HPGD: variants seen among roughly 807,000 people sequenced by gnomAD.
HPGD encodes the protein 15-hydroxyprostaglandin dehydrogenase [NAD(+)].
HPGD carries 29 observed loss-of-function variants against 30.0 expected under a neutral mutation model. The observed-to-expected ratio is 0.97, with a 90% CI of 0.72 to 1.32. The LOEUF (loss-of-function observed/expected upper bound fraction) is 1.32. Among genes scored for constraint, HPGD ranks in the 40% most tolerant of loss-of-function variants. The pLI is 0.00. For synonymous variants in HPGD, 99 were observed against 112.4 expected (o/e 0.88, Z 0.75); for missense variants, 340 against 322.1 (o/e 1.06, Z -0.43).
Position 174,490,947 on chromosome 4 carries a change from C to T in HPGD, c.*1009G>A, listed in dbSNP as rs1334885641. ...TAGCTGACAACAAAAAAAGCAAAACCTCACAGCTATTTTTATGTCTGTGTT... is the reference window on the plus strand; with the variant it reads ...TAGCTGACAACAAAAAAAGCAAAACTTCACAGCTATTTTTATGTCTGTGTT... On this transcript the variant is annotated 3_prime_UTR_variant, in exon 7 of 7. Transcript: ENST00000296522. The surrounding 1 kb of genome is among the most constrained non-coding windows in gnomAD (Gnocchi z 4.4). The T allele has an allele frequency of 6.6e-6, 1 of 152,180 alleles. No individual in the cohort carries two copies. The highest frequency in any genetic ancestry group is 1.5e-5 in the Non-Finnish European group (1 of 67,992). The allele number at this position is 152,180 out of a possible 1,614,324, so 9.4% of individuals were successfully genotyped here.
chr4:174,510,860 C>T (rs1253251142), intron 3 of HPGD, among the ~76,000 whole-genome samples: 4 of 152,108 alleles, frequency 2.6e-5, no homozygotes, highest in South Asian at 2.1e-4. Flanking sequence ...AGGCTGGTCT[C>T]GAACTCCTGA....
At chr4:174,511,289 G>A (rs1735477771) in intron 3 of HPGD, among the ~76,000 whole-genome samples, 1 of 151,366 alleles carries the variant, frequency 6.6e-6, no homozygotes, top group Non-Finnish European at 1.5e-5. Flanking sequence ...ACCCACTTAT[G>A]CCTAGTGTTC....
chr4:174,519,788 T>C (rs573633926), intron 2 of HPGD, among the ~76,000 whole-genome samples: 8 of 152,246 alleles, frequency 5.3e-5, no homozygotes, highest in African/African-American at 1.7e-4. Context: ...CTGACTCTCT[T>C]TTCCGACTCA....
intron 2 of HPGD, among the ~76,000 whole-genome samples, chr4:174,521,369 C>T (rs1435869229): frequency 6.6e-6 from 1 of 152,114 alleles, no homozygotes; most frequent in Non-Finnish European, 1.5e-5. Flanking sequence ...AGAGATGTTT[C>T]TACTACAATT....
At chr4:174,502,714 A>G (rs1734981582) in intron 4 of HPGD, among the ~76,000 whole-genome samples, 1 of 150,086 alleles carries the variant, frequency 6.7e-6, no homozygotes. Flanking sequence ...ATGCTTTCAT[A>G]AAACCACTAT....
chr4:174,519,722 C>G (rs192289246), intron 2 of HPGD, among the ~76,000 whole-genome samples: 1 of 152,266 alleles, frequency 6.6e-6, no homozygotes, highest in Non-Finnish European at 1.5e-5. Context: ...GGCAACCCCC[C>G]TTTTTCCTTT....
chr4:174,519,862 C>G (rs1180433844), intron 2 of HPGD, among the ~76,000 whole-genome samples: 2 of 152,192 alleles, frequency 1.3e-5, no homozygotes, highest in East Asian at 3.9e-4. Flanking sequence ...TTGGTGGTCT[C>G]TTCACACAGA....
chr4:174,520,937 C>T (rs1336310136), intron 2 of HPGD, among the ~76,000 whole-genome samples: 2 of 152,198 alleles, frequency 1.3e-5, no homozygotes, highest in Non-Finnish European at 2.9e-5. Flanking sequence ...TTTCTCTTAA[C>T]TGTTGGTACA....
In HPGD at chr4:174,492,492, C is replaced by T. The variant is rs985580373; in HGVS notation, c.663-398G>A. Among the ~76,000 whole-genome samples, 3 of 151,886 alleles carry T rather than the reference C, an allele frequency of 2.0e-5. No individual in the cohort carries two copies. The highest frequency in any genetic ancestry group is 2.1e-4 in the South Asian group (1 of 4,832). ...TAGAAATATGATTGGTAACAGCTAG[C>T]ATTTACTGAAAATTTTATTTTTTAC... is the stretch of plus-strand genomic sequence containing the variant. On this transcript the variant is annotated intron_variant, in intron 6 of 6. Coordinates refer to ENST00000296522, the MANE Select transcript of HPGD (RefSeq NM_000860.6). This position sits in a 1 kb window ranked among gnomAD's most constrained non-coding sequence, Gnocchi z 4.9.
chr4:174,501,243 T>C lies in HPGD; in HGVS notation c.422-5619A>G, dbSNP rs1362025118. ...TGACTATAGGACCAGTTACTATAAC[T>C]AATATGGGTTTTTTTTAATCTTGCA... On this transcript the variant is annotated intron_variant, in intron 4 of 6. Transcript: ENST00000296522. 2.0e-5 allele frequency among the ~76,000 whole-genome samples: 3 copies of C among 152,324 alleles called. No individual in the cohort carries two copies. In the East Asian group the frequency reaches 5.8e-4, roughly 29 times the overall value.
chr4:174,521,856 G>T (rs2110888128), intron 2 of HPGD, 88 bp downstream of exon 2: 1 of 1,516,538 alleles, frequency 6.6e-7, no homozygotes, highest in Non-Finnish European at 9.1e-7. Flanking sequence ...AGCGGAGGCG[G>T]CACCCAGGGC....
At chr4:174,511,816 T>G (rs897884986) in intron 3 of HPGD, among the ~76,000 whole-genome samples, 1 of 151,964 alleles carries the variant, frequency 6.6e-6, no homozygotes, top group African/African-American at 2.4e-5. Context: ...CCGGCTAAAT[T>G]TTTGTATTTT....
chr4:174,497,565 TTTC>T (rs1399443533), intron 4 of HPGD, among the ~76,000 whole-genome samples: 19 of 63,428 alleles, frequency 3.0e-4, no homozygotes, highest in African/African-American at 9.6e-4. Flanking sequence ...TTTCTTTTTC[TTTC>T]TTTTTTTTTT....
rs17060544 is a variant in HPGD, at chr4:174,495,557, G to A, written c.489C>T (p.Arg163=). 3.5e-3 allele frequency: 5,653 copies of A among 1,610,546 alleles called. 207 individuals are homozygous for A. In the African/African-American group the frequency reaches 0.067, roughly 19 times the overall value. ...ASKHGIVGFT[R]SAALAANLMN... Reference sequence around the variant, plus strand: ...GTTGTTGTAGCCTCACCGCTGCTGAGCGTGTGAATCCAACTATGCCATGCT... The same window carrying A: ...GTTGTTGTAGCCTCACCGCTGCTGAACGTGTGAATCCAACTATGCCATGCT... Residue 163 remains arginine (R), a synonymous_variant, in exon 5 of 7, where the codon CGC becomes CGT. Transcript: ENST00000296522.
In HPGD at chr4:174,491,852, C is replaced by T; in HGVS notation, c.*104G>A. On this transcript the variant is annotated 3_prime_UTR_variant, in exon 7 of 7. Coordinates refer to ENST00000296522, the MANE Select transcript of HPGD (RefSeq NM_000860.6). Reference sequence around the variant, plus strand: ...TTATCACCAAGTGCATGAAGGAAAACTTCAAACTGTAACATTTCATTTAAA... The same window carrying T: ...TTATCACCAAGTGCATGAAGGAAAATTTCAAACTGTAACATTTCATTTAAA... 8.7e-7 allele frequency: 1 copy of T among 1,144,466 alleles called. No homozygotes were observed. The highest frequency in any genetic ancestry group is 2.4e-5 in the East Asian group (1 of 42,318). The allele number at this position is 1,144,466 out of a possible 1,614,324, so 70.9% of individuals were successfully genotyped here.
chr4:174,519,508 G>A (rs1735972206), intron 2 of HPGD, among the ~76,000 whole-genome samples: 1 of 152,148 alleles, frequency 6.6e-6, no homozygotes. Context: ...ATGGCCTGAA[G>A]TAACTGAAGA....
rs900701252 is a variant in HPGD, at chr4:174,494,009, C to T, written c.499-695G>A. Among the ~76,000 whole-genome samples, 2 of 152,212 alleles carry T rather than the reference C, an allele frequency of 1.3e-5. No homozygotes were observed. The highest frequency in any genetic ancestry group is 1.9e-4 in the East Asian group (1 of 5,168). ...CCGATGTGCATGTTCCTGCTGAGGT[C>T]AAGTAAGACTATACTCTGTCGTGCC... On this transcript the variant is annotated intron_variant, in intron 5 of 6. Coordinates refer to ENST00000296522, the MANE Select transcript of HPGD (RefSeq NM_000860.6). The surrounding 1 kb of genome is among the most constrained non-coding windows in gnomAD (Gnocchi z 4.9).
rs576191773 is a variant in HPGD at position 174,492,457 on chromosome 4, G to A, written c.663-363C>T. On this transcript the variant is annotated intron_variant, in intron 6 of 6. Coordinates refer to ENST00000296522, the MANE Select transcript of HPGD (RefSeq NM_000860.6). This position sits in a 1 kb window ranked among gnomAD's most constrained non-coding sequence, Gnocchi z 4.9. ...GATCTTAGACTTACCAGATATAGATGTTATTAGTGTAGAAATATGATTGGT... is the reference window on the plus strand; with the variant it reads ...GATCTTAGACTTACCAGATATAGATATTATTAGTGTAGAAATATGATTGGT... Among the ~76,000 whole-genome samples the A allele has an allele frequency of 2.0e-5, 3 of 152,110 alleles. No individual in the cohort carries two copies. The highest frequency in any genetic ancestry group is 7.2e-5 in the African/African-American group (3 of 41,530).
At chr4:174,522,716 C>G, upstream of HPGD, 1 of 417,276 alleles carries the variant, frequency 2.4e-6, no homozygotes, top group Non-Finnish European at 4.2e-6. Context: ...CCTCTGGCTC[C>G]GTGATTGGCA....
Sources: allele counts gnomAD v4.1 joint callset (sites outside exome capture counted in the v4.1 genomes callset), GRCh38; gene constraint gnomAD v4.1.1; non-coding constraint Gnocchi (gnomAD v3.1); transcripts MANE v1.5; gene names NCBI Gene and HGNC (gene_info 2026-07-23, HGNC 2026-07-21).